CSMD1: variants seen among roughly 807,000 people sequenced by gnomAD.
CSMD1 encodes CUB and Sushi multiple domains 1.
In CSMD1, 213 loss-of-function variants were observed where a neutral mutation model predicts 417.5. That is an observed-to-expected ratio of 0.51 (90% CI 0.46 to 0.57). The LOEUF is 0.57. Ranked by LOEUF, CSMD1 falls within the 20% of genes least tolerant of loss-of-function variation. CSMD1 has a pLI of 0.00. For synonymous variants in CSMD1, 2,862 were observed against 1,736.8 expected, an observed-to-expected ratio of 1.65 and a Z score of -16.11; for missense variants, 6,923 against 4,529.7, an observed-to-expected ratio of 1.53 and a Z score of -15.17.
intron 3 of CSMD1, among the ~76,000 whole-genome samples, chr8:4,103,774 T>C (rs989590695): frequency 6.6e-6 from 1 of 152,158 alleles, no homozygotes; most frequent in East Asian, 1.9e-4. Flanking sequence ...TTACAAAAGT[T>C]ACCTGCTTCA....
intron 2 of CSMD1, among the ~76,000 whole-genome samples, chr8:4,507,190 T>C (rs924479459): frequency 7.2e-5 from 11 of 152,330 alleles, no homozygotes; most frequent in Non-Finnish European, 8.8e-5. Flanking sequence ...TTGCCATCTG[T>C]TTGTTAATAA....
Position 3,998,111 on chromosome 8 carries a change from C to T in CSMD1, c.611-1G>A. The T allele has an allele frequency of 6.4e-7, 1 of 1,558,928 alleles. No individual in the cohort carries two copies. On this transcript the variant is annotated splice_acceptor_variant, in intron 4 of 69. Coordinates refer to ENST00000635120, the MANE Select transcript of CSMD1 (RefSeq NM_033225.6). LOFTEE classifies it high-confidence loss of function. ...AAGGTTCCTCCGCAGGCTCCCTCAG[C>T]TGCAGGGGCAAAAGCAGAAAGAAAG...
chr8:3,619,017 GC>G (rs1802286014), intron 7 of CSMD1, among the ~76,000 whole-genome samples: 1 of 152,156 alleles, frequency 6.6e-6, no homozygotes, highest in African/African-American at 2.4e-5. Context: ...GCCATGAAAG[GC>G]TGTGACAAGC....
intron 1 of CSMD1, among the ~76,000 whole-genome samples, chr8:4,810,078 T>C (rs1249588863): frequency 6.6e-6 from 1 of 152,238 alleles, no homozygotes; most frequent in Non-Finnish European, 1.5e-5. Flanking sequence ...AGTTAGCTCA[T>C]TTGGTAACTA....
chr8:4,588,273 A>G (rs886835742), intron 2 of CSMD1, among the ~76,000 whole-genome samples: 8 of 152,070 alleles, frequency 5.3e-5, no homozygotes, highest in African/African-American at 1.9e-4. Context: ...TTAGGATTCC[A>G]TTAAATGCTG....
At chr8:3,645,727 C>A (rs1041198468) in intron 7 of CSMD1, among the ~76,000 whole-genome samples, 2 of 152,146 alleles carry the variant, frequency 1.3e-5, no homozygotes, top group African/African-American at 2.4e-5. Context: ...AACATGGAAG[C>A]TGCTGGCATC....
chr8:3,703,207 G>C (rs1585101792), intron 7 of CSMD1, among the ~76,000 whole-genome samples: 2 of 152,280 alleles, frequency 1.3e-5, no homozygotes, highest in Admixed American at 6.5e-5. Context: ...TCACCGCACA[G>C]AAGAGTTGAA....
At chr8:4,801,342 T>C (rs1406809788) in intron 1 of CSMD1, among the ~76,000 whole-genome samples, 1 of 152,108 alleles carries the variant, frequency 6.6e-6, no homozygotes, top group Non-Finnish European at 1.5e-5. Context: ...GAGCTATAAA[T>C]TGCTGCTGCT....
At chr8:3,479,472 G>A (rs1817611159) in intron 11 of CSMD1, among the ~76,000 whole-genome samples, 1 of 152,022 alleles carries the variant, frequency 6.6e-6, no homozygotes, top group African/African-American at 2.4e-5. Context: ...TACATATGGG[G>A]TTTCTCCGTA....
At chr8:3,058,890 C>G (rs947544364) in intron 49 of CSMD1, among the ~76,000 whole-genome samples, 1 of 152,094 alleles carries the variant, frequency 6.6e-6, no homozygotes, top group Non-Finnish European at 1.5e-5. Flanking sequence ...GACCTCCCAC[C>G]TCCTCCTCCA....
chr8:4,704,123 A>G (rs1807763676), intron 1 of CSMD1, among the ~76,000 whole-genome samples: 1 of 152,156 alleles, frequency 6.6e-6, no homozygotes. Context: ...CCTTCATCCA[A>G]GGCAGGTGGG....
At chr8:4,736,120 G>C (rs1810218430) in intron 1 of CSMD1, among the ~76,000 whole-genome samples, 2 of 152,124 alleles carry the variant, frequency 1.3e-5, no homozygotes, top group South Asian at 4.1e-4. Flanking sequence ...GAGCTGTGAG[G>C]TGTTTCTTCT....
At chr8:4,724,322 C>G (rs192488635) in intron 1 of CSMD1, among the ~76,000 whole-genome samples, 1 of 152,084 alleles carries the variant, frequency 6.6e-6, no homozygotes, top group East Asian at 1.9e-4. Context: ...TATATCACTA[C>G]TGATTATATG....
chr8:3,837,024 T>G (rs1022137814), intron 5 of CSMD1, among the ~76,000 whole-genome samples: 1 of 152,038 alleles, frequency 6.6e-6, no homozygotes, highest in East Asian at 1.9e-4. Flanking sequence ...ACTCCCTTCT[T>G]GGTGGCCAGG....
chr8:3,533,722 G>A (rs141327277), intron 10 of CSMD1, among the ~76,000 whole-genome samples: 114 of 152,214 alleles, frequency 7.5e-4, no homozygotes, highest in African/African-American at 2.7e-3. Context: ...TATCATCCTG[G>A]AACTCAGTAC....
At chr8:3,607,978 T>G (rs1801702264) in intron 8 of CSMD1, among the ~76,000 whole-genome samples, 1 of 152,112 alleles carries the variant, frequency 6.6e-6, no homozygotes, top group African/African-American at 2.4e-5. Context: ...AAGACCAGCC[T>G]GGCAAACATG....
chr8:3,882,052 G>GA (rs559877876), intron 5 of CSMD1, among the ~76,000 whole-genome samples: 3 of 151,926 alleles, frequency 2.0e-5, no homozygotes, highest in Non-Finnish European at 4.4e-5. Context: ...AACAATAAAA[G>GA]AAAAAACATA....
At chr8:4,195,145 G>C (rs1245862301) in intron 3 of CSMD1, among the ~76,000 whole-genome samples, 1 of 152,176 alleles carries the variant, frequency 6.6e-6, no homozygotes, top group East Asian at 1.9e-4. Flanking sequence ...CTACTTTGAT[G>C]ACAGTTCTAT....
chr8:4,895,599 G>T (rs184892455), intron 1 of CSMD1, among the ~76,000 whole-genome samples: 3 of 151,924 alleles, frequency 2.0e-5, no homozygotes, highest in Admixed American at 2.0e-4. Flanking sequence ...TTATTCGGGG[G>T]CTTCTTTTTA....
Sources: allele counts gnomAD v4.1 joint callset (sites outside exome capture counted in the v4.1 genomes callset), GRCh38; gene constraint gnomAD v4.1.1; transcripts MANE v1.5; gene names NCBI Gene and HGNC (gene_info 2026-07-23, HGNC 2026-07-21).